DCDC1: variants seen among roughly 807,000 people sequenced by gnomAD.
The protein encoded by DCDC1 is doublecortin domain-containing protein 1.
A neutral mutation model predicts 178.3 loss-of-function variants in DCDC1; 200 were observed. That is an observed-to-expected ratio of 1.12 (90% CI 1.00 to 1.26). The LOEUF is 1.26. Among genes scored for constraint, DCDC1 ranks in the 50% most tolerant of loss-of-function variants. The probability of loss-of-function intolerance (pLI) is 0.00; values close to 1 mark genes in which losing one functional copy is unlikely to be tolerated. For synonymous variants in DCDC1, 690 were observed against 604.8 expected, an observed-to-expected ratio of 1.14 and a Z score of -2.07; for missense variants, 1,983 against 1,749.2, an observed-to-expected ratio of 1.13 and a Z score of -2.38.
At chr11:31,090,987 A>AT in intron 17 of DCDC1, among the ~76,000 whole-genome samples, 1 of 152,162 alleles carries the variant, frequency 6.6e-6, no homozygotes, top group Middle Eastern at 3.2e-3. Flanking sequence ...ACAAGCCAGC[A>AT]TTTTTTGGTC....
At chr11:30,985,021 A>T (rs929694610) in intron 20 of DCDC1, among the ~76,000 whole-genome samples, 9 of 152,342 alleles carry the variant, frequency 5.9e-5, no homozygotes, top group African/African-American at 1.9e-4. Flanking sequence ...CAGAGATCAG[A>T]TGATTCCTTC....
intron 1 of DCDC1, among the ~76,000 whole-genome samples, chr11:31,352,310 C>G (rs886564133): frequency 6.6e-6 from 1 of 152,040 alleles, no homozygotes; most frequent in Non-Finnish European, 1.5e-5. Context: ...ATGCACGATC[C>G]TATTTACTTT....
At chr11:31,182,467 C>G (rs115290805) in intron 9 of DCDC1, among the ~76,000 whole-genome samples, 2,897 of 152,228 alleles carry the variant, frequency 0.019, 92 homozygotes, top group African/African-American at 0.066. Context: ...AATTTCATAT[C>G]TGGCCAAATG....
chr11:31,188,225 C>T (rs774437610), intron 9 of DCDC1, among the ~76,000 whole-genome samples: 34 of 152,090 alleles, frequency 2.2e-4, no homozygotes, highest in Non-Finnish European at 4.1e-4. Context: ...ATGCCTACAA[C>T]AACAGAGATA....
intron 38 of DCDC1, among the ~76,000 whole-genome samples, chr11:30,869,050 G>A (rs1941293143): frequency 6.6e-6 from 1 of 152,226 alleles, no homozygotes; most frequent in Non-Finnish European, 1.5e-5. Flanking sequence ...TGTGAAAGGG[G>A]GTGACAAGTC....
chr11:31,131,880 G>A (rs192086225), intron 10 of DCDC1, among the ~76,000 whole-genome samples: 9 of 152,260 alleles, frequency 5.9e-5, no homozygotes, highest in African/African-American at 2.2e-4. Flanking sequence ...TGATTTGAGG[G>A]CATTTTTATA....
intron 20 of DCDC1, among the ~76,000 whole-genome samples, chr11:31,040,359 C>A (rs1392229276): frequency 1.3e-5 from 2 of 152,128 alleles, no homozygotes; most frequent in Non-Finnish European, 1.5e-5. Context: ...AGGATGCATA[C>A]AGATTGTTGC....
intron 9 of DCDC1, among the ~76,000 whole-genome samples, chr11:31,219,747 T>C (rs1974027872): frequency 6.6e-6 from 1 of 152,200 alleles, no homozygotes; most frequent in Non-Finnish European, 1.5e-5. Flanking sequence ...TAATAGCTAA[T>C]ATTTATTGTT....
chr11:31,300,908 G>A (rs1366886380), intron 6 of DCDC1, among the ~76,000 whole-genome samples: 1 of 152,144 alleles, frequency 6.6e-6, no homozygotes, highest in African/African-American at 2.4e-5. Context: ...GAATTTAGGT[G>A]TTTTTCAATG....
At chr11:31,219,112 TAC>T (rs142565101) in intron 9 of DCDC1, among the ~76,000 whole-genome samples, 4 of 150,648 alleles carry the variant, frequency 2.7e-5, no homozygotes, top group South Asian at 2.1e-4. Context: ...CTCACATACA[TAC>T]ACACACACAC....
rs977859581 is a variant in DCDC1 at position 30,864,143 on chromosome 11, A to G, written c.*1230T>C. 1.3e-5 allele frequency: 2 copies of G among 152,130 alleles called. No individual in the cohort carries two copies. The highest frequency in any genetic ancestry group is 2.4e-5 in the African/African-American group (1 of 41,410). The allele number at this position is 152,130 out of a possible 1,614,324, so 9.4% of individuals were successfully genotyped here. A position where few individuals can be genotyped will look rare whatever the true frequency, so the allele number is the denominator to read the frequency against. ...CTCCATCTCAAAAAAAAAAAATTGCATATCTGTATTTTGTGAGATTATGGC... is the reference window on the plus strand; with the variant it reads ...CTCCATCTCAAAAAAAAAAAATTGCGTATCTGTATTTTGTGAGATTATGGC... On this transcript the variant is annotated 3_prime_UTR_variant, in exon 39 of 39. Coordinates refer to ENST00000684477, the MANE Select transcript of DCDC1 (RefSeq NM_001387274.1).
At chr11:31,155,441 C>A (rs1420489319) in intron 9 of DCDC1, among the ~76,000 whole-genome samples, 1 of 152,202 alleles carries the variant, frequency 6.6e-6, no homozygotes, top group East Asian at 1.9e-4. Flanking sequence ...TGACCCATTT[C>A]TCAAGACACA....
At position 31,058,911 on chromosome 11, in the gene DCDC1, A is replaced by G. The variant is rs1490002457; in HGVS notation, c.2591+5558T>C. ...TTTCATCCATATTATCCAATCCAGA[A>G]ATCATTACCTACTATTTTCACTATT... On this transcript the variant is annotated intron_variant, in intron 20 of 38. Transcript: ENST00000684477. Among the ~76,000 whole-genome samples the G allele has an allele frequency of 2.6e-5, 4 of 152,100 alleles. No individual in the cohort carries two copies. The East Asian group carries it at 7.7e-4, about 29-fold the overall frequency.
At chr11:31,213,825 C>A (rs1973174041) in intron 9 of DCDC1, among the ~76,000 whole-genome samples, 1 of 151,732 alleles carries the variant, frequency 6.6e-6, no homozygotes, top group African/African-American at 2.4e-5. Flanking sequence ...ATATTACCGA[C>A]TATTACTTGT....
At chr11:30,962,231 TTATTC>T (rs1398100515) in intron 20 of DCDC1, among the ~76,000 whole-genome samples, 6 of 152,106 alleles carry the variant, frequency 3.9e-5, no homozygotes, top group Admixed American at 1.3e-4. Flanking sequence ...AAATTAAACA[TTATTC>T]TACTTTATTT....
chr11:31,297,581 G>T (rs1378860895), intron 6 of DCDC1, among the ~76,000 whole-genome samples: 1 of 152,022 alleles, frequency 6.6e-6, no homozygotes, highest in Non-Finnish European at 1.5e-5. Flanking sequence ...TCCTGACCTT[G>T]TAATCTGCCA....
At chr11:31,257,139 A>G (rs1217116897) in intron 8 of DCDC1, among the ~76,000 whole-genome samples, 2 of 152,202 alleles carry the variant, frequency 1.3e-5, no homozygotes, top group Non-Finnish European at 2.9e-5. Context: ...TACATGCATG[A>G]TGGTGAGGTT....
chr11:30,986,905 T>C (rs757225903), intron 20 of DCDC1, among the ~76,000 whole-genome samples: 3 of 152,178 alleles, frequency 2.0e-5, no homozygotes, highest in Non-Finnish European at 1.5e-5. Flanking sequence ...TCAAAGAGAA[T>C]GGTATTCTTT....
In DCDC1 at chr11:31,078,030, C is replaced by T. The variant is rs565730238; in HGVS notation, c.2238-105G>A. 4 of 682,196 alleles carry T rather than the reference C, an allele frequency of 5.9e-6. No homozygotes were observed. In the African/African-American group the frequency reaches 7.0e-5, roughly 12 times the overall value. 42.3% of individuals were successfully genotyped at this position (682,196 alleles called of 1,614,324 possible). A position where few individuals can be genotyped will look rare whatever the true frequency, so the allele number is the denominator to read the frequency against. ...TCCAGATAGCCTGGCAGGAGGACTG[C>T]CCACACTCTACCAAAGATTCTGCCA... On this transcript the variant is annotated intron_variant, in intron 17 of 38. Coordinates refer to ENST00000684477, the MANE Select transcript of DCDC1 (RefSeq NM_001387274.1).
Sources: allele counts gnomAD v4.1 joint callset (sites outside exome capture counted in the v4.1 genomes callset), GRCh38; gene constraint gnomAD v4.1.1; transcripts MANE v1.5; gene names NCBI Gene and HGNC (gene_info 2026-07-23, HGNC 2026-07-21).